Variants in SCN3B observed in about 807,000 individuals in gnomAD.
The protein encoded by SCN3B is sodium channel regulatory subunit beta-3.
A neutral mutation model predicts 25.4 loss-of-function variants in SCN3B; 11 were observed. That is an observed-to-expected ratio of 0.43 (90% CI 0.27 to 0.72). SCN3B has a LOEUF of 0.72. Among genes scored for constraint, SCN3B ranks in the 30% least tolerant of loss-of-function variants. The probability of loss-of-function intolerance (pLI) is 0.18; values close to 1 mark genes in which losing one functional copy is unlikely to be tolerated. For missense variants in SCN3B, 218 were observed against 278.3 expected (o/e 0.78, Z 1.54); for synonymous variants, 109 against 110.7 (o/e 0.99, Z 0.09).
chr11:123,644,345 C>G (rs1955822353), intron 3 of SCN3B, among the ~76,000 whole-genome samples: 1 of 152,120 alleles, frequency 6.6e-6, no homozygotes, highest in African/African-American at 2.4e-5. Context: ...AACCGAGGCA[C>G]AGAAAGGATG....
intron 2 of SCN3B, among the ~76,000 whole-genome samples, chr11:123,651,373 C>CTT (rs35858155): frequency 1.3e-4 from 19 of 148,178 alleles, no homozygotes; most frequent in Middle Eastern, 3.4e-3. Context: ...GTTTTTCTTT[C>CTT]TTTTTTTTTT....
intron 5 of SCN3B, among the ~76,000 whole-genome samples, chr11:123,635,548 T>A (rs897449938): frequency 2.6e-5 from 4 of 151,928 alleles, no homozygotes; most frequent in African/African-American, 9.7e-5. Context: ...TAGCCAGGCG[T>A]GGTGGCAGGT....
chr11:123,631,139 G>A lies in SCN3B; in HGVS notation c.*2660C>T, dbSNP rs1177063188. 1.3e-5 allele frequency: 2 copies of A among 152,162 alleles called. No individual in the cohort carries two copies. Among genetic ancestry groups the A allele is most frequent in the Non-Finnish European group, 2.9e-5 (2 of 68,030 alleles). 9.4% of individuals were successfully genotyped at this position (152,162 alleles called of 1,614,324 possible). On this transcript the variant is annotated 3_prime_UTR_variant, in exon 7 of 7. Transcript: ENST00000299333. ...TGGAGAAGTTAGAAAAAGGAAGAGTGGGGAAGATAACCTGTCAAGGATAAA... is the reference window on the plus strand; with the variant it reads ...TGGAGAAGTTAGAAAAAGGAAGAGTAGGGAAGATAACCTGTCAAGGATAAA...
At chr11:123,640,602 A>T (rs971573479) in intron 4 of SCN3B, 1 of 152,204 alleles carries the variant, frequency 6.6e-6, no homozygotes, top group African/African-American at 2.4e-5. Context: ...ACAGGCGAAC[A>T]ATCTGGATTT....
chr11:123,645,899 T>A, intron 2 of SCN3B, 149 bp from the exon 3 acceptor site: 1 of 749,316 alleles, frequency 1.3e-6, no homozygotes, highest in Non-Finnish European at 2.3e-6. Flanking sequence ...TGCACATGTC[T>A]ACACCTTCAC....
intron 4 of SCN3B, 93 bp from the exon 5 acceptor site, chr11:123,638,417 A>T: frequency 6.5e-7 from 1 of 1,530,048 alleles, no homozygotes. Context: ...TTAAATAAAG[A>T]CTGAGTAAAG....
chr11:123,646,005 G>A (rs919764644), intron 2 of SCN3B, among the ~76,000 whole-genome samples: 1 of 152,130 alleles, frequency 6.6e-6, no homozygotes, highest in Middle Eastern at 3.2e-3. Context: ...TGGAAGCAGT[G>A]GAGATGCAGC....
At chr11:123,635,185 G>A (rs1266237380) in intron 5 of SCN3B, among the ~76,000 whole-genome samples, 4 of 152,118 alleles carry the variant, frequency 2.6e-5, no homozygotes. Flanking sequence ...TTTGTTTTGT[G>A]TTTTTCTTTG....
rs1955682396 is a variant in SCN3B, at chr11:123,632,381, CT to C, written c.*1417del. 1 of 152,206 alleles carries C rather than the reference CT, an allele frequency of 6.6e-6. No homozygotes were observed. The highest frequency in any genetic ancestry group is 2.4e-5 in the African/African-American group (1 of 41,440). The allele number at this position is 152,206 out of a possible 1,614,324, so 9.4% of individuals were successfully genotyped here. A position where few individuals can be genotyped will look rare whatever the true frequency, so the allele number is the denominator to read the frequency against. On this transcript the variant is annotated 3_prime_UTR_variant, in exon 7 of 7. Coordinates refer to ENST00000299333, the MANE Select transcript of SCN3B (RefSeq NM_001040151.2). The stretch of plus-strand genomic sequence containing the variant: ...TTAAGTCTACCTCATGTTCTTCTCC[CT>C]GCTTTTTTGGCCAATTTCTAGTCAT...
chr11:123,643,282 C>T (rs562145483), intron 3 of SCN3B, among the ~76,000 whole-genome samples: 62 of 152,274 alleles, frequency 4.1e-4, no homozygotes, highest in Middle Eastern at 3.4e-3. Flanking sequence ...AGAGCCATCA[C>T]CAGAGAGGCA....
chr11:123,649,960 T>G (rs937473028), intron 2 of SCN3B, among the ~76,000 whole-genome samples: 3 of 152,132 alleles, frequency 2.0e-5, no homozygotes, highest in Admixed American at 2.0e-4. Context: ...CACCTTGACC[T>G]CCCAAAGTGC....
Position 123,631,275 on chromosome 11 carries a change from T to G in SCN3B, c.*2524A>C, listed in dbSNP as rs986949956. On this transcript the variant is annotated 3_prime_UTR_variant, in exon 7 of 7. Coordinates refer to ENST00000299333, the MANE Select transcript of SCN3B (RefSeq NM_001040151.2). ...ATCATGCATACTGCCGGGTTCAACT[T>G]AGATACACGAGCTATTGGGCCACCG... 2.0e-5 allele frequency: 3 copies of G among 152,140 alleles called. No homozygotes were observed. Among genetic ancestry groups the G allele is most frequent in the Non-Finnish European group, 4.4e-5 (3 of 68,026 alleles). 9.4% of individuals were successfully genotyped at this position (152,140 alleles called of 1,614,324 possible).
At chr11:123,645,473 T>C (rs1565497057) in intron 3 of SCN3B, 114 bp downstream of exon 3, 7 of 1,091,306 alleles carry the variant, frequency 6.4e-6, no homozygotes, top group Non-Finnish European at 8.5e-6. Flanking sequence ...CTGTCAGTGT[T>C]TGGAAGAGAA....
In SCN3B at chr11:123,633,344, T is replaced by C. The variant is rs1296571039; in HGVS notation, c.*455A>G. 6.6e-6 allele frequency: 1 copy of C among 152,308 alleles called. No individual in the cohort carries two copies. Among genetic ancestry groups the C allele is most frequent in the African/African-American group, 2.4e-5 (1 of 41,472 alleles). The allele number at this position is 152,308 out of a possible 1,614,324, so 9.4% of individuals were successfully genotyped here. A position where few individuals can be genotyped will look rare whatever the true frequency, so the allele number is the denominator to read the frequency against. On this transcript the variant is annotated 3_prime_UTR_variant, in exon 7 of 7. Coordinates refer to ENST00000299333, the MANE Select transcript of SCN3B (RefSeq NM_001040151.2). ...ATCCAAGTTCATGACACACTTTTGC[T>C]TTAACCCGAACTAATCACTCCTGCT...
At chr11:123,635,635 G>A (rs1022641977) in intron 5 of SCN3B, among the ~76,000 whole-genome samples, 2 of 151,496 alleles carry the variant, frequency 1.3e-5, no homozygotes, top group African/African-American at 2.4e-5. Context: ...GGAGTGAGCC[G>A]AGATCGCGCC....
intron 4 of SCN3B, 174 bp from the exon 5 acceptor site, chr11:123,638,498 A>C: frequency 1.2e-6 from 1 of 832,012 alleles, no homozygotes; most frequent in African/African-American, 1.7e-5. Context: ...ACTGACTGTC[A>C]TCAGCTGCTC....
intron 2 of SCN3B, among the ~76,000 whole-genome samples, chr11:123,646,162 G>A (rs973486587): frequency 3.3e-5 from 5 of 152,180 alleles, no homozygotes; most frequent in Non-Finnish European, 7.3e-5. Flanking sequence ...TGCTAGACTA[G>A]AGATGCAAAG....
In SCN3B at chr11:123,629,590, A is replaced by G. The variant is rs570601845; in HGVS notation, c.*4209T>C. On this transcript the variant is annotated 3_prime_UTR_variant, in exon 7 of 7. Transcript: ENST00000299333. ...CTGTCCACCAGCTGAGATTTTAGAG[A>G]TTAAGTAAGGTTTGGATGATGCTGC... 2.0e-5 allele frequency: 3 copies of G among 152,336 alleles called. No homozygotes were observed. The highest frequency in any genetic ancestry group is 7.2e-5 in the African/African-American group (3 of 41,564). 9.4% of individuals were successfully genotyped at this position (152,336 alleles called of 1,614,324 possible).
At chr11:123,648,869 G>A (rs992671643) in intron 2 of SCN3B, among the ~76,000 whole-genome samples, 3 of 152,174 alleles carry the variant, frequency 2.0e-5, no homozygotes, top group Admixed American at 2.0e-4. Context: ...TAGGAGGGAT[G>A]GGGAGGGCCA....
Sources: allele counts gnomAD v4.1 joint callset (sites outside exome capture counted in the v4.1 genomes callset), GRCh38; gene constraint gnomAD v4.1.1; transcripts MANE v1.5; gene names NCBI Gene and HGNC (gene_info 2026-07-23, HGNC 2026-07-21).